Variants in ZNF704 observed in about 807,000 individuals in gnomAD.
ZNF704 encodes the protein zinc finger protein 704.
A neutral mutation model predicts 44.7 loss-of-function variants in ZNF704; 10 were observed. The observed-to-expected ratio is 0.22, with a 90% CI of 0.14 to 0.38. The LOEUF is 0.38. Ranked by LOEUF, ZNF704 falls within the 10% of genes least tolerant of loss-of-function variation. The probability of loss-of-function intolerance (pLI) is 1.00; values close to 1 mark genes in which losing one functional copy is unlikely to be tolerated. For missense variants in ZNF704, 390 were observed against 545.5 expected, an observed-to-expected ratio of 0.71 and a Z score of 2.84; for synonymous variants, 211 against 207.6, an observed-to-expected ratio of 1.02 and a Z score of -0.14.
intron 2 of ZNF704, among the ~76,000 whole-genome samples, chr8:80,752,959 T>A (rs1037529620): frequency 6.6e-6 from 1 of 152,120 alleles, no homozygotes; most frequent in African/African-American, 2.4e-5. Flanking sequence ...AAGTAAAAAG[T>A]ATTCATGTTT....
At chr8:80,652,115 C>T (rs1817930930) in intron 7 of ZNF704, among the ~76,000 whole-genome samples, 1 of 152,196 alleles carries the variant, frequency 6.6e-6, no homozygotes, top group African/African-American at 2.4e-5. Flanking sequence ...TTCTTTGAAA[C>T]CAATGAGAAC....
In ZNF704 at chr8:80,633,596, T is replaced by C. The variant is rs969613966; in HGVS notation, c.*7770A>G. The C allele has an allele frequency of 6.6e-6, 1 of 152,230 alleles. No individual in the cohort carries two copies. Among genetic ancestry groups the C allele is most frequent in the African/African-American group, 2.4e-5 (1 of 41,460 alleles). The allele number at this position is 152,230 out of a possible 1,614,324, so 9.4% of individuals were successfully genotyped here. A position where few individuals can be genotyped will look rare whatever the true frequency, so the allele number is the denominator to read the frequency against. ...TTGAGCCAGGCCTTTAATGAGCCCC[T>C]TCCCTCTTCCTTGCAAGCAATACTG... On this transcript the variant is annotated 3_prime_UTR_variant, in exon 9 of 9. Transcript: ENST00000327835.
intron 2 of ZNF704, among the ~76,000 whole-genome samples, chr8:80,799,524 T>C (rs886354442): frequency 2.0e-5 from 3 of 152,122 alleles, no homozygotes; most frequent in South Asian, 4.1e-4. Flanking sequence ...CTGAGGCAGC[T>C]AGGGTTTGGA....
At chr8:80,758,238 C>T (rs1212742363) in intron 2 of ZNF704, among the ~76,000 whole-genome samples, 5 of 152,262 alleles carry the variant, frequency 3.3e-5, no homozygotes, top group East Asian at 3.9e-4. Flanking sequence ...TCACAGGAAC[C>T]GGCAAGCGGA....
At chr8:80,872,874 G>A (rs886402219) in intron 1 of ZNF704, among the ~76,000 whole-genome samples, 1 of 151,512 alleles carries the variant, frequency 6.6e-6, no homozygotes, top group Non-Finnish European at 1.5e-5. Context: ...TTGCAATTTT[G>A]AGGAGGGAAA....
intron 8 of ZNF704, among the ~76,000 whole-genome samples, chr8:80,642,788 T>C (rs1031559421): frequency 6.6e-6 from 1 of 152,188 alleles, no homozygotes; most frequent in Non-Finnish European, 1.5e-5. Context: ...ATAATCACCA[T>C]TACCTATTCT....
intron 2 of ZNF704, among the ~76,000 whole-genome samples, chr8:80,759,513 C>T (rs1010485825): frequency 3.3e-5 from 5 of 152,084 alleles, no homozygotes; most frequent in Non-Finnish European, 7.3e-5. Context: ...GATGTGTCAC[C>T]TTCATAATTA....
At chr8:80,772,004 C>T (rs1807329155) in intron 2 of ZNF704, among the ~76,000 whole-genome samples, 1 of 152,100 alleles carries the variant, frequency 6.6e-6, no homozygotes, top group South Asian at 2.1e-4. Flanking sequence ...GATTGACTTC[C>T]AGTCAATCCA....
At chr8:80,642,472 A>T (rs575000711) in intron 8 of ZNF704, among the ~76,000 whole-genome samples, 1 of 152,140 alleles carries the variant, frequency 6.6e-6, no homozygotes, top group African/African-American at 2.4e-5. Flanking sequence ...TACACTGAAC[A>T]AAGGGATAAC....
At chr8:80,663,366 C>CA (rs113981733) in intron 6 of ZNF704, among the ~76,000 whole-genome samples, 2,467 of 96,440 alleles carry the variant, frequency 0.026, 60 homozygotes, top group African/African-American at 0.067. Context: ...GACCCTGTCT[C>CA]AAAAAAAAAA....
At chr8:80,732,230 G>T (rs1424116721) in intron 2 of ZNF704, among the ~76,000 whole-genome samples, 5 of 151,996 alleles carry the variant, frequency 3.3e-5, no homozygotes, top group African/African-American at 1.2e-4. Context: ...TCGGGATTTT[G>T]TCTCTTGGTG....
rs549431877 is a variant in ZNF704, at chr8:80,752,674, T to C, written c.222-59567A>G. On this transcript the variant is annotated intron_variant, in intron 2 of 8. Coordinates refer to ENST00000327835, the MANE Select transcript of ZNF704 (RefSeq NM_001033723.3). ...CTCCAGCATCAGCCTCCCTAGTGGCTAGGATTACAGGCCTGTGCCACCACG... is the reference window on the plus strand; with the variant it reads ...CTCCAGCATCAGCCTCCCTAGTGGCCAGGATTACAGGCCTGTGCCACCACG... 3.4e-4 allele frequency among the ~76,000 whole-genome samples: 52 copies of C among 152,308 alleles called. 1 individual carries two copies. Among genetic ancestry groups the C allele is most frequent in the African/African-American group, 1.2e-3 (50 of 41,576 alleles).
chr8:80,743,013 TTAG>T (rs925637243), intron 2 of ZNF704, among the ~76,000 whole-genome samples: 2 of 151,898 alleles, frequency 1.3e-5, no homozygotes, highest in African/African-American at 4.8e-5. Flanking sequence ...AAAATGCTAA[TTAG>T]GCAAAAACAG....
At chr8:80,776,029 C>G (rs1225850129) in intron 2 of ZNF704, among the ~76,000 whole-genome samples, 1 of 152,152 alleles carries the variant, frequency 6.6e-6, no homozygotes, top group Non-Finnish European at 1.5e-5. Flanking sequence ...TCCATGCAAT[C>G]TCCATAGCCG....
At chr8:80,863,562 T>G (rs1407528556) in intron 1 of ZNF704, among the ~76,000 whole-genome samples, 1 of 152,212 alleles carries the variant, frequency 6.6e-6, no homozygotes, top group Non-Finnish European at 1.5e-5. Flanking sequence ...CTCTGAGGCT[T>G]ATTTTACACA....
chr8:80,708,475 G>A (rs557266708), intron 2 of ZNF704, among the ~76,000 whole-genome samples: 3 of 152,358 alleles, frequency 2.0e-5, no homozygotes, highest in African/African-American at 7.2e-5. Context: ...CCACAGTCCA[G>A]AGAAAGCAAA....
intron 8 of ZNF704, among the ~76,000 whole-genome samples, chr8:80,642,758 C>T (rs1817763209): frequency 2.0e-5 from 3 of 152,240 alleles, no homozygotes; most frequent in African/African-American, 7.2e-5. Flanking sequence ...ATTAATACAA[C>T]ATGGCTCCAA....
chr8:80,763,810 C>A (rs150023842), intron 2 of ZNF704, among the ~76,000 whole-genome samples: 2 of 152,178 alleles, frequency 1.3e-5, no homozygotes, highest in African/African-American at 4.8e-5. Flanking sequence ...GAATGCTTTG[C>A]TGCTCAGAAA....
At chr8:80,747,966 C>T (rs894062784) in intron 2 of ZNF704, among the ~76,000 whole-genome samples, 2 of 152,180 alleles carry the variant, frequency 1.3e-5, no homozygotes, top group Non-Finnish European at 1.5e-5. Context: ...CTGCCCACCT[C>T]GGCCTCCCAA....
Sources: gnomAD v4.1 joint callset for allele counts (sites outside exome capture counted in the v4.1 genomes callset) on GRCh38, gnomAD v4.1.1 for gene constraint, MANE v1.5 for transcripts, NCBI Gene and HGNC (gene_info 2026-07-23, HGNC 2026-07-21) for gene names.